MICU1: variants seen among roughly 807,000 people sequenced by gnomAD.
MICU1 encodes calcium uptake protein 1, mitochondrial.
MICU1 carries 45 observed loss-of-function variants against 56.8 expected under a neutral mutation model. The ratio of observed to expected loss-of-function variants is 0.79; its 90% CI spans 0.62 to 1.02. MICU1 has a LOEUF of 1.02. MICU1 is among the 50% of genes least tolerant of loss of function. MICU1 has a pLI of 0.00. For missense variants in MICU1, 504 were observed against 587.1 expected (o/e 0.86, Z 1.46); for synonymous variants, 186 against 195.1 (o/e 0.95, Z 0.39).
chr10:72,404,364 TAGAAAA>T (rs1863561110), intron 10 of MICU1, among the ~76,000 whole-genome samples: 1 of 151,958 alleles, frequency 6.6e-6, no homozygotes, highest in South Asian at 2.1e-4. Context: ...TTAAGAAGCT[TAGAAAA>T]AGAAAAACAA....
At chr10:72,556,805 C>T (rs971616255) in intron 3 of MICU1, among the ~76,000 whole-genome samples, 6 of 151,962 alleles carry the variant, frequency 3.9e-5, no homozygotes, top group Non-Finnish European at 7.4e-5. Flanking sequence ...GTAGCTCTCG[C>T]CTGTAATCCC....
At chr10:72,451,308 C>T (rs1052016408) in intron 8 of MICU1, among the ~76,000 whole-genome samples, 1 of 152,154 alleles carries the variant, frequency 6.6e-6, no homozygotes, top group Admixed American at 6.6e-5. Context: ...CAGGTGTGAG[C>T]CACCATGCCT....
chr10:72,505,542 CAA>C (rs1867216962), intron 6 of MICU1, among the ~76,000 whole-genome samples: 1 of 152,100 alleles, frequency 6.6e-6, no homozygotes, highest in African/African-American at 2.4e-5. Context: ...TTCATAATAG[CAA>C]AGACACAGAA....
intron 1 of MICU1, among the ~76,000 whole-genome samples, chr10:72,577,794 G>A (rs756148433): frequency 3.9e-5 from 6 of 152,190 alleles, no homozygotes; most frequent in Non-Finnish European, 8.8e-5. Context: ...TTGAATGGAT[G>A]AAGAGTTCAT....
intron 5 of MICU1, among the ~76,000 whole-genome samples, chr10:72,533,528 A>T (rs902716688): frequency 6.6e-6 from 1 of 152,234 alleles, no homozygotes; most frequent in African/African-American, 2.4e-5. Context: ...TAATATAAAC[A>T]GGAGGCAATA....
chr10:72,457,279 G>A (rs1234453955), intron 8 of MICU1, among the ~76,000 whole-genome samples: 3 of 148,576 alleles, frequency 2.0e-5, no homozygotes, highest in East Asian at 3.9e-4. Context: ...AGTGCAGGGC[G>A]CAATCACAGC....
At chr10:72,374,954 G>T (rs1862469880) in intron 11 of MICU1, among the ~76,000 whole-genome samples, 1 of 151,482 alleles carries the variant, frequency 6.6e-6, no homozygotes, top group African/African-American at 2.4e-5. Context: ...GGGATTTCAG[G>T]CACGCACCAC....
At chr10:72,556,436 G>A (rs565775593) in intron 3 of MICU1, among the ~76,000 whole-genome samples, 2 of 152,098 alleles carry the variant, frequency 1.3e-5, no homozygotes, top group South Asian at 4.2e-4. Context: ...CGCCTCCCAG[G>A]TTCAAGTGAT....
intron 8 of MICU1, among the ~76,000 whole-genome samples, chr10:72,454,267 C>T (rs1200265406): frequency 1.3e-5 from 2 of 150,872 alleles, no homozygotes; most frequent in Non-Finnish European, 2.9e-5. Flanking sequence ...CCAGCCTGAT[C>T]AACATGGAGA....
chr10:72,374,386 A>G (rs982178904), intron 11 of MICU1, among the ~76,000 whole-genome samples: 1 of 152,194 alleles, frequency 6.6e-6, no homozygotes, highest in African/African-American at 2.4e-5. Context: ...TTAGCCTCCT[A>G]AAGTGCTGGG....
intron 1 of MICU1, among the ~76,000 whole-genome samples, chr10:72,584,903 T>C (rs1490664350): frequency 6.6e-6 from 1 of 152,038 alleles, no homozygotes; most frequent in African/African-American, 2.4e-5. Context: ...AAAAATGAGC[T>C]ATCAATAAGG....
chr10:72,496,455 C>T (rs917975697), intron 6 of MICU1, among the ~76,000 whole-genome samples: 1 of 152,168 alleles, frequency 6.6e-6, no homozygotes, highest in Non-Finnish European at 1.5e-5. Flanking sequence ...GCATGCGCCA[C>T]CACACCTGGT....
intron 8 of MICU1, 63 bp from the exon 9 acceptor site, chr10:72,423,434 G>C (rs968278440): frequency 3.2e-5 from 50 of 1,560,428 alleles, no homozygotes; most frequent in Non-Finnish European, 4.4e-5. Context: ...GTGGAACACG[G>C]AATGATCAGC....
rs537513415 is a variant in MICU1, at chr10:72,472,003, G to C, written c.933+3097C>G. Among the ~76,000 whole-genome samples the C allele has an allele frequency of 2.6e-5, 4 of 151,964 alleles. No homozygotes were observed. The South Asian group carries it at 8.3e-4, about 31-fold the overall frequency. Reference sequence around the variant, plus strand: ...ATATAAAAATACCCAATATAAATCAGTGAACAAAATAAAATTCACTGCCTC... The same window carrying C: ...ATATAAAAATACCCAATATAAATCACTGAACAAAATAAAATTCACTGCCTC... On this transcript the variant is annotated intron_variant, in intron 8 of 11. Coordinates refer to ENST00000361114, the MANE Select transcript of MICU1 (RefSeq NM_001195518.2).
chr10:72,417,521 C>A (rs1163665919), intron 9 of MICU1, among the ~76,000 whole-genome samples: 1 of 151,766 alleles, frequency 6.6e-6, no homozygotes, highest in Non-Finnish European at 1.5e-5. Flanking sequence ...CAGCACCTGG[C>A]TTAGTGTCTT....
chr10:72,560,599 G>C (rs1047933666), intron 3 of MICU1: 3 of 152,212 alleles, frequency 2.0e-5, no homozygotes, highest in Non-Finnish European at 4.4e-5. Flanking sequence ...GCCAGGCACA[G>C]TGGCTCATGC....
At chr10:72,411,857 G>C (rs545225290) in intron 9 of MICU1, among the ~76,000 whole-genome samples, 2 of 152,292 alleles carry the variant, frequency 1.3e-5, no homozygotes, top group Non-Finnish European at 2.9e-5. Context: ...TCTGAGGACA[G>C]AGAGAGAACA....
At chr10:72,526,101 AT>A (rs2132394731) in intron 5 of MICU1, among the ~76,000 whole-genome samples, 2 of 152,260 alleles carry the variant, frequency 1.3e-5, no homozygotes, top group East Asian at 3.9e-4. Flanking sequence ...GGGTTATGGT[AT>A]ATAAAAAAGA....
At chr10:72,411,071 G>T (rs1366597282) in intron 9 of MICU1, among the ~76,000 whole-genome samples, 1 of 152,190 alleles carries the variant, frequency 6.6e-6, no homozygotes, top group East Asian at 1.9e-4. Flanking sequence ...ACAGGATGAT[G>T]GCCCTCGAAG....
Sources: allele counts gnomAD v4.1 joint callset (sites outside exome capture counted in the v4.1 genomes callset), GRCh38; gene constraint gnomAD v4.1.1; transcripts MANE v1.5; gene names NCBI Gene and HGNC (gene_info 2026-07-23, HGNC 2026-07-21).